KDM4C: variants seen among roughly 807,000 people sequenced by gnomAD.
The protein encoded by KDM4C is lysine-specific demethylase 4C.
A neutral mutation model predicts 129.3 loss-of-function variants in KDM4C; 81 were observed. The ratio of observed to expected loss-of-function variants is 0.63; its 90% CI spans 0.52 to 0.75. The LOEUF is 0.75. Ranked by LOEUF, KDM4C falls within the 30% of genes least tolerant of loss-of-function variation. KDM4C has a pLI of 0.00. For missense variants in KDM4C, 1,457 were observed against 1,304.0 expected (o/e 1.12, Z -1.81); for synonymous variants, 573 against 456.1 (o/e 1.26, Z -3.26).
intron 1 of KDM4C, among the ~76,000 whole-genome samples, chr9:6,770,930 C>G (rs1177960633): frequency 6.6e-6 from 1 of 151,612 alleles, no homozygotes; most frequent in African/African-American, 2.4e-5. Context: ...TGCATGCCAC[C>G]ACTCCCAGCT....
At chr9:7,059,240 C>T (rs1831282591) in intron 17 of KDM4C, among the ~76,000 whole-genome samples, 1 of 152,138 alleles carries the variant, frequency 6.6e-6, no homozygotes, top group East Asian at 1.9e-4. Context: ...GCCTGTATCT[C>T]CTGGGCTTAA....
chr9:7,083,120 A>G (rs1834724668), intron 17 of KDM4C, among the ~76,000 whole-genome samples: 1 of 152,216 alleles, frequency 6.6e-6, no homozygotes, highest in South Asian at 2.1e-4. Context: ...CTGAGTCAGT[A>G]TTTCAAGTCA....
chr9:6,862,055 A>T (rs1189065070), intron 5 of KDM4C, among the ~76,000 whole-genome samples: 1 of 152,166 alleles, frequency 6.6e-6, no homozygotes, highest in Non-Finnish European at 1.5e-5. Context: ...TACAGGTGTG[A>T]GCCAACGCGC....
At position 6,852,504 on chromosome 9, in the gene KDM4C, C is replaced by T. The variant is rs535628630; in HGVS notation, c.629+2804C>T. Among the ~76,000 whole-genome samples, 52 of 152,272 alleles carry T rather than the reference C, an allele frequency of 3.4e-4. 1 individual carries two copies. Among genetic ancestry groups the T allele is most frequent in the Admixed American group, 2.7e-3 (41 of 15,290 alleles). On this transcript the variant is annotated intron_variant, in intron 5 of 21. Transcript: ENST00000381309. Reference sequence around the variant, plus strand: ...GAATATTTTTATTGAGTTGACAAAACGAGAGGATGAAGGGCTGCAAGGTTC... The same window carrying T: ...GAATATTTTTATTGAGTTGACAAAATGAGAGGATGAAGGGCTGCAAGGTTC...
At chr9:6,810,439 A>T (rs1232649181) in intron 3 of KDM4C, among the ~76,000 whole-genome samples, 1 of 152,234 alleles carries the variant, frequency 6.6e-6, no homozygotes, top group Non-Finnish European at 1.5e-5. Context: ...AGATTTACTT[A>T]TTAACAGAAT....
intron 17 of KDM4C, among the ~76,000 whole-genome samples, chr9:7,073,753 C>G (rs991781031): frequency 3.9e-5 from 6 of 152,184 alleles, no homozygotes; most frequent in African/African-American, 1.4e-4. Context: ...CATATCCTCA[C>G]ATGGTACCAT....
intron 3 of KDM4C, among the ~76,000 whole-genome samples, chr9:6,813,296 A>C (rs1319842608): frequency 6.6e-6 from 1 of 152,198 alleles, no homozygotes. Flanking sequence ...TTGGGCTCCC[A>C]AAATGCTGGG....
At chr9:6,972,841 A>AT (rs1832236732) in intron 8 of KDM4C, among the ~76,000 whole-genome samples, 2 of 152,314 alleles carry the variant, frequency 1.3e-5, no homozygotes, top group South Asian at 2.1e-4. Context: ...TTCCTGATTG[A>AT]TTATGTTTAA....
intron 2 of KDM4C, among the ~76,000 whole-genome samples, chr9:6,794,276 T>G (rs573848780): frequency 8.5e-5 from 13 of 152,296 alleles, no homozygotes; most frequent in African/African-American, 2.9e-4. Context: ...ATAAGGACAT[T>G]TAAGCACAGA....
intron 8 of KDM4C, among the ~76,000 whole-genome samples, chr9:6,927,117 A>ATCTG (rs1336587223): frequency 6.6e-6 from 1 of 151,370 alleles, no homozygotes; most frequent in South Asian, 2.1e-4. Context: ...CTATCTATCT[A>ATCTG]TCTATCTATC....
Position 6,805,820 on chromosome 9 carries a change from G to C in KDM4C, c.320+46G>C, listed in dbSNP as rs1331306916. On this transcript the variant is annotated intron_variant, in intron 3 of 21. Transcript: ENST00000381309. Reference sequence around the variant, plus strand: ...ATTTCTGTTTCCTTCAAAGATTTATGTAAATATGTTAAGAAACAAAGTAGA... The same window carrying C: ...ATTTCTGTTTCCTTCAAAGATTTATCTAAATATGTTAAGAAACAAAGTAGA... 5 of 1,539,750 alleles carry C rather than the reference G, an allele frequency of 3.2e-6. No individual in the cohort carries two copies. The African/African-American group carries it at 6.9e-5, about 21-fold the overall frequency.
chr9:6,977,879 C>G (rs1589424012), intron 8 of KDM4C, among the ~76,000 whole-genome samples: 1 of 152,100 alleles, frequency 6.6e-6, no homozygotes, highest in Non-Finnish European at 1.5e-5. Flanking sequence ...CTTACTTCCC[C>G]TTGACCCTTA....
chr9:6,900,109 T>G (rs1303118130), intron 8 of KDM4C, among the ~76,000 whole-genome samples: 2 of 152,252 alleles, frequency 1.3e-5, no homozygotes, highest in East Asian at 3.8e-4. Flanking sequence ...CTTATTTTTC[T>G]TGATCAGTGA....
intron 17 of KDM4C, among the ~76,000 whole-genome samples, chr9:7,053,811 A>G (rs978773132): frequency 6.6e-6 from 1 of 152,230 alleles, no homozygotes; most frequent in African/African-American, 2.4e-5. Flanking sequence ...ACAGGTTGCT[A>G]TCCAAAACTA....
chr9:6,820,716 T>TC (rs1564088793), intron 4 of KDM4C, among the ~76,000 whole-genome samples: 1 of 31,526 alleles, frequency 3.2e-5, no homozygotes, highest in African/African-American at 1.6e-4. Context: ...CTCTCTCTCT[T>TC]TTTTTTTTTT....
chr9:6,895,996 GAC>G (rs1816366503), intron 8 of KDM4C, among the ~76,000 whole-genome samples: 1 of 151,878 alleles, frequency 6.6e-6, no homozygotes, highest in Admixed American at 6.6e-5. Context: ...TCAGTTATTT[GAC>G]ACATATTTTT....
rs574841081 is a variant in KDM4C, at chr9:7,120,267, C to G, written c.2611-7799C>G. On this transcript the variant is annotated intron_variant, in intron 18 of 21. Transcript: ENST00000381309. ...AAGCAGTCCAGGTATTAGGAACATA[C>G]TTTCCTCCTTCTTCAGGTTGTAATC... 3.0e-4 allele frequency among the ~76,000 whole-genome samples: 45 copies of G among 152,168 alleles called. No individual in the cohort carries two copies. The South Asian group carries it at 6.8e-3, about 23-fold the overall frequency.
At chr9:6,829,580 G>T (rs1588552292) in intron 4 of KDM4C, among the ~76,000 whole-genome samples, 1 of 152,294 alleles carries the variant, frequency 6.6e-6, no homozygotes, top group Admixed American at 6.5e-5. Flanking sequence ...GAATGTTAGG[G>T]TTTATCCTAG....
At chr9:6,834,189 C>A (rs1313207071) in intron 4 of KDM4C, among the ~76,000 whole-genome samples, 1 of 152,008 alleles carries the variant, frequency 6.6e-6, no homozygotes, top group African/African-American at 2.4e-5. Context: ...CAGGCGTGCG[C>A]CACCATGCCC....
Sources: allele counts gnomAD v4.1 joint callset (sites outside exome capture counted in the v4.1 genomes callset), GRCh38; gene constraint gnomAD v4.1.1; transcripts MANE v1.5; gene names NCBI Gene and HGNC (gene_info 2026-07-23, HGNC 2026-07-21).